RGS18: variants seen among roughly 807,000 people sequenced by gnomAD.
The protein encoded by RGS18 is regulator of G protein signaling 18.
Under a neutral mutation model 27.6 loss-of-function variants are expected in RGS18, and 22 were observed. The ratio of observed to expected loss-of-function variants is 0.80; its 90% CI spans 0.57 to 1.14. The LOEUF is 1.14. Ranked by LOEUF, RGS18 falls within the 50% of genes most tolerant of loss-of-function variation. RGS18 has a pLI of 0.00. For missense variants in RGS18, 299 were observed against 269.6 expected (o/e 1.11, Z -0.76); for synonymous variants, 89 against 84.6 (o/e 1.05, Z -0.29).
chr1:192,171,826 C>CA (rs1394658816), intron 3 of RGS18, among the ~76,000 whole-genome samples: 1 of 151,948 alleles, frequency 6.6e-6, no homozygotes, highest in African/African-American at 2.4e-5. Flanking sequence ...AATGGTGATA[C>CA]AAAAAGAATA....
intron 3 of RGS18, among the ~76,000 whole-genome samples, chr1:192,178,752 G>A (rs1254608972): frequency 6.6e-6 from 1 of 151,566 alleles, no homozygotes; most frequent in African/African-American, 2.4e-5. Flanking sequence ...TATCTGTAAG[G>A]AGAAAAGATA....
In RGS18 at chr1:192,184,579, A is replaced by G. The variant is rs1388872203; in HGVS notation, c.*25A>G. 2 of 1,601,452 alleles carry G rather than the reference A, an allele frequency of 1.2e-6. No individual in the cohort carries two copies. Among genetic ancestry groups the G allele is most frequent in the African/African-American group, 2.7e-5 (2 of 74,400 alleles). ...AAGAAAATTGATTTTGCTCATTTTT[A>G]TGACAAACTTATACATCTGCTTCTA... On this transcript the variant is annotated 3_prime_UTR_variant, in exon 5 of 5. Coordinates refer to ENST00000367460, the MANE Select transcript of RGS18 (RefSeq NM_130782.3).
intron 3 of RGS18, among the ~76,000 whole-genome samples, chr1:192,180,487 C>T (rs1192244839): frequency 6.6e-6 from 1 of 151,476 alleles, no homozygotes; most frequent in Non-Finnish European, 1.5e-5. Context: ...ATTTATGGGG[C>T]AAGACAAAAA....
intron 4 of RGS18, among the ~76,000 whole-genome samples, chr1:192,183,490 T>A (rs1268859751): frequency 6.6e-6 from 1 of 151,626 alleles, no homozygotes; most frequent in Non-Finnish European, 1.5e-5. Context: ...CTTTAATTAT[T>A]TCTATGATCT....
At chr1:192,160,725 G>A (rs542881119) in intron 3 of RGS18, 91 of 346,400 alleles carry the variant, frequency 2.6e-4, no homozygotes, top group African/African-American at 1.8e-3. Flanking sequence ...TGAAATCTTC[G>A]GTTTTATCAA....
At chr1:192,178,522 G>A (rs1656396250) in intron 3 of RGS18, among the ~76,000 whole-genome samples, 3 of 151,642 alleles carry the variant, frequency 2.0e-5, no homozygotes, top group Admixed American at 1.3e-4. Context: ...AGCTGCCATT[G>A]AGGAGAATTA....
At chr1:192,179,120 A>G (rs1380939083) in intron 3 of RGS18, among the ~76,000 whole-genome samples, 2 of 151,570 alleles carry the variant, frequency 1.3e-5, no homozygotes, top group African/African-American at 4.8e-5. Context: ...AGTATGAACT[A>G]GGAGATATGC....
intron 3 of RGS18, among the ~76,000 whole-genome samples, chr1:192,161,900 T>C (rs1360601138): frequency 2.0e-5 from 3 of 152,218 alleles, no homozygotes; most frequent in Non-Finnish European, 4.4e-5. Flanking sequence ...CAACTCTTTA[T>C]AAGGTCTTGG....
Position 192,184,631 on chromosome 1 carries a change from T to C in RGS18, c.*77T>C, listed in dbSNP as rs1656514740. ...CATATCGCATGTTTATGTTAAGATT[T>C]GGTCCCATCCTTTAAACTGAAATAT... is the stretch of plus-strand genomic sequence containing the variant. On this transcript the variant is annotated 3_prime_UTR_variant, in exon 5 of 5. Coordinates refer to ENST00000367460, the MANE Select transcript of RGS18 (RefSeq NM_130782.3). 2.9e-6 allele frequency: 4 copies of C among 1,398,598 alleles called. No homozygotes were observed. The highest frequency in any genetic ancestry group is 3.9e-6 in the Non-Finnish European group (4 of 1,014,512). The allele number at this position is 1,398,598 out of a possible 1,614,324, so 86.6% of individuals were successfully genotyped here.
At chr1:192,179,542 A>G (rs1441865210) in intron 3 of RGS18, among the ~76,000 whole-genome samples, 1 of 151,604 alleles carries the variant, frequency 6.6e-6, no homozygotes, top group Non-Finnish European at 1.5e-5. Flanking sequence ...TGAAAAAAAA[A>G]GAAATAACCC....
chr1:192,158,793 T>TAA (rs760192935), intron 1 of RGS18, 37 bp downstream of exon 1: 1 of 1,363,888 alleles, frequency 7.3e-7, no homozygotes, highest in Non-Finnish European at 1.0e-6. Context: ...CTTATACTTT[T>TAA]AAAAGCATAA....
chr1:192,175,187 T>C (rs1656336654), intron 3 of RGS18, among the ~76,000 whole-genome samples: 1 of 151,842 alleles, frequency 6.6e-6, no homozygotes, highest in Admixed American at 6.6e-5. Context: ...CTTTGTGTTT[T>C]TCAAAAAATT....
chr1:192,181,392 T>G lies in RGS18; in HGVS notation c.384T>G (p.Pro128=), dbSNP rs1243131732. 1.3e-5 allele frequency: 21 copies of G among 1,593,116 alleles called. No individual in the cohort carries two copies. The highest frequency in any genetic ancestry group is 1.8e-5 in the Non-Finnish European group (21 of 1,170,802). Reference sequence around the variant, plus strand: ...AAGATTTCAAGAAAAGCAAGGGACCTCAACAAATTCACCTTAAAGCAAAAG... The same window carrying G: ...AAGATTTCAAGAAAAGCAAGGGACCGCAACAAATTCACCTTAAAGCAAAAG... The part of the protein sequence containing the change: ...ACEDFKKSKG[P]QQIHLKAKAI... The change falls in exon 4 of 5, where the codon CCT becomes CCG. Residue 128 remains proline, a synonymous_variant. Coordinates refer to ENST00000367460, the MANE Select transcript of RGS18 (RefSeq NM_130782.3).
At chr1:192,177,153 T>C (rs1656372275) in intron 3 of RGS18, among the ~76,000 whole-genome samples, 1 of 151,828 alleles carries the variant, frequency 6.6e-6, no homozygotes, top group Admixed American at 6.6e-5. Context: ...AACTAGAATA[T>C]TAATTAAATG....
intron 4 of RGS18, among the ~76,000 whole-genome samples, chr1:192,182,531 T>C (rs1233903806): frequency 6.6e-6 from 1 of 151,558 alleles, no homozygotes; most frequent in Non-Finnish European, 1.5e-5. Flanking sequence ...AATCTGTCTT[T>C]ATCAAATTTG....
intron 3 of RGS18, among the ~76,000 whole-genome samples, chr1:192,162,476 T>C (rs545335283): frequency 2.7e-4 from 41 of 152,202 alleles, no homozygotes; most frequent in African/African-American, 9.9e-4. Context: ...ACCTGGCTAA[T>C]TTTTGTATTT....
At position 192,159,310 on chromosome 1, in the gene RGS18, C is replaced by A. The variant is rs745502461; in HGVS notation, c.210C>A (p.Ala70=). The A allele has an allele frequency of 6.2e-6, 10 of 1,607,948 alleles. No homozygotes were observed. The highest frequency in any genetic ancestry group is 8.5e-7 in the Non-Finnish European group (1 of 1,174,884). Residue 70 remains alanine (A), a synonymous_variant, in exon 2 of 5, where the codon GCC becomes GCA. Transcript: ENST00000367460. ...DTRSSRSGHL[A]KETRVSPEEA... ...GCTCCAGTAGATCTGGGCACTTGGC[C>A]AAAGAAACAAGGTGAATAAATTTTC...
At chr1:192,162,299 GT>G (rs1169293727) in intron 3 of RGS18, among the ~76,000 whole-genome samples, 14 of 151,854 alleles carry the variant, frequency 9.2e-5, no homozygotes, top group African/African-American at 3.1e-4. Context: ...TTTGTTTGTT[GT>G]TTTGTTTTGT....
rs1488299778 is a variant in RGS18, at chr1:192,158,620, C to G, written c.-18C>G. 1 of 1,528,878 alleles carries G rather than the reference C, an allele frequency of 6.5e-7. No homozygotes were observed. The highest frequency in any genetic ancestry group is 2.3e-5 in the Admixed American group (1 of 43,072). The allele number at this position is 1,528,878 out of a possible 1,614,324, so 94.7% of individuals were successfully genotyped here. On this transcript the variant is annotated 5_prime_UTR_variant, in exon 1 of 5. Coordinates refer to ENST00000367460, the MANE Select transcript of RGS18 (RefSeq NM_130782.3). ...GAAGGATGTAATAAATTAGACATCT[C>G]TTCATTTTAGAGAGAAGATGGAAAC... is the stretch of plus-strand genomic sequence containing the variant.
Sources: gnomAD v4.1 joint callset for allele counts (sites outside exome capture counted in the v4.1 genomes callset) on GRCh38, gnomAD v4.1.1 for gene constraint, MANE v1.5 for transcripts, NCBI Gene and HGNC (gene_info 2026-07-23, HGNC 2026-07-21) for gene names.